EXT1: variants seen among roughly 807,000 people sequenced by gnomAD.
EXT1 encodes the protein exostosin glycosyltransferase 1.
In EXT1, 20 loss-of-function variants were observed where a neutral mutation model predicts 82.5. The observed-to-expected ratio is 0.24, with a 90% CI of 0.17 to 0.35. The LOEUF (loss-of-function observed/expected upper bound fraction) is 0.35, where lower values mean the gene tolerates loss of function less well. EXT1 is among the 10% of genes least tolerant of loss of function. EXT1 has a pLI of 1.00. For missense variants in EXT1, 757 were observed against 936.5 expected (o/e 0.81, Z 2.50); for synonymous variants, 348 against 350.8 (o/e 0.99, Z 0.09).
rs551822936 is a variant in EXT1, at chr8:117,836,784, G to A, written c.1056+324C>T. ...CAATTTTGCTTTTAGAGAGTACCAC[G>A]AATAAAGGGAAAGTGTAGGGCTGCT... On this transcript the variant is annotated intron_variant, in intron 2 of 10. Coordinates refer to ENST00000378204, the MANE Select transcript of EXT1 (RefSeq NM_000127.3). Among the ~76,000 whole-genome samples, 3 of 142,058 alleles carry A rather than the reference G, an allele frequency of 2.1e-5. No homozygotes were observed. In the South Asian group the frequency reaches 6.4e-4, roughly 30 times the overall value. The allele number at this position is 142,058 out of a possible 152,430, so 93.2% of individuals were successfully genotyped here.
chr8:117,980,555 C>T (rs1418645939), intron 1 of EXT1, among the ~76,000 whole-genome samples: 1 of 152,168 alleles, frequency 6.6e-6, no homozygotes, highest in East Asian at 1.9e-4. Flanking sequence ...GGGCTCTCTT[C>T]CAACTTAATA....
intron 8 of EXT1, among the ~76,000 whole-genome samples, chr8:117,812,047 G>A (rs1823333777): frequency 6.6e-6 from 1 of 150,722 alleles, no homozygotes; most frequent in Admixed American, 6.8e-5. Context: ...ACATTAAAAG[G>A]AAAATGATTG....
chr8:117,849,221 C>G (rs1333717652), intron 1 of EXT1, among the ~76,000 whole-genome samples: 1 of 152,214 alleles, frequency 6.6e-6, no homozygotes, highest in African/African-American at 2.4e-5. Context: ...TTCTGTTGCC[C>G]TGTTTCATCT....
chr8:117,946,882 GCT>G (rs1814400876), intron 1 of EXT1, among the ~76,000 whole-genome samples: 2 of 152,172 alleles, frequency 1.3e-5, no homozygotes, highest in Admixed American at 6.5e-5. Flanking sequence ...CTTTGAGAAG[GCT>G]TCCTTCTTCC....
chr8:117,815,011 C>T (rs1318662230), intron 7 of EXT1, among the ~76,000 whole-genome samples: 1 of 152,220 alleles, frequency 6.6e-6, no homozygotes, highest in Non-Finnish European at 1.5e-5. Flanking sequence ...TCCTACACAT[C>T]TGTCAACTGG....
intron 1 of EXT1, among the ~76,000 whole-genome samples, chr8:117,938,945 C>T (rs17475897): frequency 1.2e-3 from 178 of 152,322 alleles, no homozygotes; most frequent in African/African-American, 4.2e-3. Flanking sequence ...CCACGGAAAC[C>T]CTTCGAGCAT....
chr8:117,955,696 C>T (rs1263639643), intron 1 of EXT1, among the ~76,000 whole-genome samples: 9 of 152,138 alleles, frequency 5.9e-5, no homozygotes, highest in Non-Finnish European at 1.3e-4. Context: ...GCTGGGACTA[C>T]GGGCAGGAGC....
intron 3 of EXT1, among the ~76,000 whole-genome samples, chr8:117,831,245 T>G (rs143922690): frequency 6.6e-6 from 1 of 152,198 alleles, no homozygotes; most frequent in Admixed American, 6.5e-5. Flanking sequence ...GTTAGCTGAT[T>G]TCTCAAAGAC....
chr8:118,087,781 T>G (rs1817450889), intron 1 of EXT1, among the ~76,000 whole-genome samples: 1 of 152,272 alleles, frequency 6.6e-6, no homozygotes, highest in Admixed American at 6.5e-5. Flanking sequence ...AGATTCTTTC[T>G]CCTATGAATG....
At position 117,832,184 on chromosome 8, in the gene EXT1, T is replaced by C. The variant is rs565012224; in HGVS notation, c.1165-1835A>G. On this transcript the variant is annotated intron_variant, in intron 3 of 10. Coordinates refer to ENST00000378204, the MANE Select transcript of EXT1 (RefSeq NM_000127.3). ...CAAGAGGTAACTGCTAAGAGTTATA[T>C]AGGTTGGCATCACTGTTTTATCGTA... Among the ~76,000 whole-genome samples the C allele has an allele frequency of 5.9e-5, 9 of 152,276 alleles. No individual in the cohort carries two copies. In the South Asian group the frequency reaches 1.7e-3, roughly 28 times the overall value.
intron 1 of EXT1, among the ~76,000 whole-genome samples, chr8:117,897,284 C>G (rs1813357779): frequency 6.6e-6 from 1 of 152,148 alleles, no homozygotes. Context: ...CGAGTAGATT[C>G]AAAAGGAGCT....
intron 1 of EXT1, among the ~76,000 whole-genome samples, chr8:117,898,824 A>G (rs1005881515): frequency 3.1e-5 from 4 of 127,444 alleles, no homozygotes; most frequent in African/African-American, 1.2e-4. Flanking sequence ...AGACGGCAGG[A>G]AAAAAAAAAA....
chr8:118,045,323 C>T (rs1816605139), intron 1 of EXT1, among the ~76,000 whole-genome samples: 1 of 152,174 alleles, frequency 6.6e-6, no homozygotes, highest in South Asian at 2.1e-4. Context: ...TATCGATTTC[C>T]TATGCAAAGT....
chr8:117,918,119 C>T (rs1266528223), intron 1 of EXT1, among the ~76,000 whole-genome samples: 2 of 152,126 alleles, frequency 1.3e-5, no homozygotes, highest in East Asian at 1.9e-4. Flanking sequence ...TTAAACAGCA[C>T]GAGATGCTGT....
chr8:118,073,604 A>G (rs1038576466), intron 1 of EXT1, among the ~76,000 whole-genome samples: 1 of 147,766 alleles, frequency 6.8e-6, no homozygotes, highest in African/African-American at 2.5e-5. Flanking sequence ...TGGGCTACAG[A>G]GAGAGGAAAG....
chr8:118,052,485 A>G (rs1339776742), intron 1 of EXT1, among the ~76,000 whole-genome samples: 1 of 152,208 alleles, frequency 6.6e-6, no homozygotes, highest in African/African-American at 2.4e-5. Flanking sequence ...AAGAATGCCA[A>G]ATGAACCTGA....
chr8:117,862,437 A>G (rs1003984721), intron 1 of EXT1, among the ~76,000 whole-genome samples: 32 of 145,974 alleles, frequency 2.2e-4, no homozygotes, highest in African/African-American at 7.0e-4. Context: ...AATGTAAATA[A>G]AACGGGTGGA....
At chr8:117,896,500 A>G (rs1320385864) in intron 1 of EXT1, among the ~76,000 whole-genome samples, 2 of 152,186 alleles carry the variant, frequency 1.3e-5, no homozygotes, top group African/African-American at 4.8e-5. Context: ...TTTAAAAGGT[A>G]TCAGGGAATT....
At chr8:117,973,989 A>AAGGAAGGAAGGAAG (rs1815016751) in intron 1 of EXT1, among the ~76,000 whole-genome samples, 1 of 80,130 alleles carries the variant, frequency 1.2e-5, no homozygotes, top group Non-Finnish European at 2.7e-5. Flanking sequence ...AAGGAAGGAA[A>AAGGAAGGAAGGAAG]TAAATGTCTT....
Sources: gnomAD v4.1 joint callset for allele counts (sites outside exome capture counted in the v4.1 genomes callset) on GRCh38, gnomAD v4.1.1 for gene constraint, MANE v1.5 for transcripts, NCBI Gene and HGNC (gene_info 2026-07-23, HGNC 2026-07-21) for gene names.